DAB1: variants seen among roughly 807,000 people sequenced by gnomAD.
DAB1 encodes the protein DAB adaptor protein 1.
Under a neutral mutation model 64.6 loss-of-function variants are expected in DAB1, and 15 were observed. The observed-to-expected ratio is 0.23, with a 90% CI of 0.16 to 0.36. DAB1 has a LOEUF of 0.36. Ranked by LOEUF, DAB1 falls within the 10% of genes least tolerant of loss-of-function variation. DAB1 has a pLI of 1.00. For synonymous variants in DAB1, 235 were observed against 251.9 expected, an observed-to-expected ratio of 0.93 and a Z score of 0.64; for missense variants, 596 against 706.7, an observed-to-expected ratio of 0.84 and a Z score of 1.78.
At chr1:57,376,816 G>A (rs892171605) in intron 1 of DAB1, among the ~76,000 whole-genome samples, 4 of 152,204 alleles carry the variant, frequency 2.6e-5, no homozygotes, top group African/African-American at 9.6e-5. Flanking sequence ...TCTTCAACTA[G>A]TTTTATTAAT....
At chr1:57,360,169 T>A (rs1679433287) in intron 1 of DAB1, among the ~76,000 whole-genome samples, 1 of 152,032 alleles carries the variant, frequency 6.6e-6, no homozygotes, top group Non-Finnish European at 1.5e-5. Flanking sequence ...ATACACTTCA[T>A]AACAACATGC....
intron 3 of DAB1, among the ~76,000 whole-genome samples, chr1:58,392,605 T>G (rs1206261582): frequency 1.3e-5 from 2 of 152,222 alleles, no homozygotes; most frequent in Non-Finnish European, 2.9e-5. Context: ...AAGACTGCCC[T>G]CCACGACTGC....
At chr1:58,028,795 C>T (rs1040930203) in intron 5 of DAB1, among the ~76,000 whole-genome samples, 10 of 152,128 alleles carry the variant, frequency 6.6e-5, no homozygotes, top group African/African-American at 2.4e-4. Flanking sequence ...ATCAACTGTA[C>T]TATTCTCTTC....
At chr1:57,960,984 G>A (rs995155031) in intron 5 of DAB1, among the ~76,000 whole-genome samples, 6 of 152,214 alleles carry the variant, frequency 3.9e-5, no homozygotes, top group African/African-American at 1.4e-4. Flanking sequence ...CCAAATTCCA[G>A]CTCAGCTACT....
At chr1:57,593,538 T>G (rs1319155392) in intron 7 of DAB1, among the ~76,000 whole-genome samples, 1 of 152,236 alleles carries the variant, frequency 6.6e-6, no homozygotes, top group Non-Finnish European at 1.5e-5. Context: ...AATGGCTTCT[T>G]GATAAGTGTA....
intron 5 of DAB1, among the ~76,000 whole-genome samples, chr1:58,131,803 C>T (rs1424995822): frequency 6.7e-6 from 1 of 149,362 alleles, no homozygotes; most frequent in African/African-American, 2.5e-5. Context: ...CTTGAGGAGG[C>T]AGTCTGCCCG....
chr1:58,289,748 T>C (rs1413515842), intron 4 of DAB1, among the ~76,000 whole-genome samples: 1 of 152,228 alleles, frequency 6.6e-6, no homozygotes, highest in Non-Finnish European at 1.5e-5. Flanking sequence ...TGGAGGCAGA[T>C]ACCCTCTCCC....
At chr1:57,761,640 A>C (rs905485548) in intron 6 of DAB1, among the ~76,000 whole-genome samples, 9 of 152,172 alleles carry the variant, frequency 5.9e-5, no homozygotes, top group African/African-American at 2.2e-4. Flanking sequence ...TCTAAATACG[A>C]GCAGCCCAGC....
rs547618825 is a variant in DAB1 at position 57,312,750 on chromosome 1, G to A, written c.-136-21584C>T. ...CTGACCTCTCGGTGTGCAGGGAAAT[G>A]AGGGCCAAACTTCCCAAAGGTTCTC... On this transcript the variant is annotated intron_variant, in intron 1 of 14. Transcript: ENST00000371236. Among the ~76,000 whole-genome samples, 58 of 152,152 alleles carry A rather than the reference G, an allele frequency of 3.8e-4. 1 individual carries two copies. In the South Asian group the frequency reaches 0.012, roughly 32 times the overall value.
At chr1:58,039,364 G>T (rs1263195113) in intron 5 of DAB1, among the ~76,000 whole-genome samples, 1 of 151,948 alleles carries the variant, frequency 6.6e-6, no homozygotes, top group Non-Finnish European at 1.5e-5. Context: ...CCTTCCCACA[G>T]AAACCACAAT....
chr1:58,494,497 G>A (rs1281644901), intron 3 of DAB1, among the ~76,000 whole-genome samples: 1 of 152,074 alleles, frequency 6.6e-6, no homozygotes, highest in African/African-American at 2.4e-5. Flanking sequence ...CAGAATGGGA[G>A]AAAATTTTTG....
At chr1:57,253,355 C>T (rs180962712) in intron 2 of DAB1, among the ~76,000 whole-genome samples, 1 of 152,278 alleles carries the variant, frequency 6.6e-6, no homozygotes, top group Admixed American at 6.5e-5. Flanking sequence ...TCCAGCCCAG[C>T]TTTGCCAGAC....
chr1:57,364,685 C>T (rs1679826256), intron 1 of DAB1, among the ~76,000 whole-genome samples: 1 of 151,624 alleles, frequency 6.6e-6, no homozygotes, highest in Non-Finnish European at 1.5e-5. Context: ...TAAATATATA[C>T]ACTCTTAGAA....
chr1:57,996,118 G>A (rs1366743505), intron 5 of DAB1, among the ~76,000 whole-genome samples: 1 of 152,130 alleles, frequency 6.6e-6, no homozygotes, highest in Non-Finnish European at 1.5e-5. Flanking sequence ...AATTAGCTAG[G>A]CATGGTGGCG....
At chr1:57,334,113 A>ACG (rs1558186122) in intron 1 of DAB1, among the ~76,000 whole-genome samples, 6 of 152,146 alleles carry the variant, frequency 3.9e-5, no homozygotes, top group African/African-American at 1.4e-4. Flanking sequence ...CTCAATGCGT[A>ACG]TAAGTGGGGA....
At chr1:58,474,622 T>A (rs1329476550) in intron 3 of DAB1, among the ~76,000 whole-genome samples, 1 of 152,192 alleles carries the variant, frequency 6.6e-6, no homozygotes, top group African/African-American at 2.4e-5. Flanking sequence ...GCTGATTGGC[T>A]CATTGCAAAG....
rs141586114 is a variant in DAB1 at position 57,556,637 on chromosome 1, T to A, written n.625+92955A>T. 2.8e-4 allele frequency among the ~76,000 whole-genome samples: 43 copies of A among 152,310 alleles called. No individual in the cohort carries two copies. In the East Asian group the frequency reaches 8.1e-3, roughly 29 times the overall value. ...CTTTTTAATGAGATTGTTTGGTTTTTTCTTGCTGATTTGTTTGAGTTCCTT... is the reference window on the plus strand; with the variant it reads ...CTTTTTAATGAGATTGTTTGGTTTTATCTTGCTGATTTGTTTGAGTTCCTT... On this transcript the variant is annotated intron_variant and non_coding_transcript_variant, in intron 7 of 20. Transcript: ENST00000485760.
At chr1:58,499,596 C>A (rs1180099968) in intron 3 of DAB1, among the ~76,000 whole-genome samples, 1 of 152,000 alleles carries the variant, frequency 6.6e-6, no homozygotes, top group Non-Finnish European at 1.5e-5. Flanking sequence ...ATTGTTACTA[C>A]AGTTAATAAA....
intron 7 of DAB1, among the ~76,000 whole-genome samples, chr1:57,430,166 A>G (rs77376216): frequency 0.037 from 5,513 of 149,200 alleles, 329 homozygotes; most frequent in African/African-American, 0.13. Flanking sequence ...TTCTTTCATC[A>G]ACATTTCAGT....
Sources: gnomAD v4.1 joint callset for allele counts (sites outside exome capture counted in the v4.1 genomes callset) on GRCh38, gnomAD v4.1.1 for gene constraint, MANE v1.5 for transcripts, NCBI Gene and HGNC (gene_info 2026-07-23, HGNC 2026-07-21) for gene names.